SHISA6: variants seen among roughly 807,000 people sequenced by gnomAD.
SHISA6 encodes the protein protein shisa-6.
SHISA6 carries 22 observed loss-of-function variants against 47.9 expected under a neutral mutation model. The ratio of observed to expected loss-of-function variants is 0.46; its 90% confidence interval spans 0.33 to 0.66. The LOEUF is 0.66. Ranked by LOEUF, SHISA6 falls within the 30% of genes least tolerant of loss-of-function variation. The probability of loss-of-function intolerance (pLI) is 0.02; values close to 1 mark genes in which losing one functional copy is unlikely to be tolerated. For missense variants in SHISA6, 680 were observed against 764.6 expected (o/e 0.89, Z 1.30); for synonymous variants, 388 against 337.8 (o/e 1.15, Z -1.63).
At chr17:11,521,009 C>T (rs556980193) in intron 3 of SHISA6, among the ~76,000 whole-genome samples, 9 of 152,268 alleles carry the variant, frequency 5.9e-5, no homozygotes, top group South Asian at 4.2e-4. Context: ...GGACAATGGA[C>T]GCGCAATAAA....
rs1386083003 is a variant in SHISA6, at chr17:11,525,041, T to C, written c.896-26855T>C. 2.0e-5 allele frequency among the ~76,000 whole-genome samples: 3 copies of C among 152,210 alleles called. No homozygotes were observed. In the East Asian group the frequency reaches 5.8e-4, roughly 29 times the overall value. On this transcript the variant is annotated intron_variant, in intron 3 of 5. Transcript: ENST00000441885. ...TGGTTACAAGTTTGATTTTTGTTTT[T>C]GTTTGTATATCTTTTATCTTGTTTC...
Position 11,416,906 on chromosome 17 carries a change from A to G in SHISA6, c.895+37397A>G, listed in dbSNP as rs76588189. Among the ~76,000 whole-genome samples the G allele has an allele frequency of 1.0e-3, 153 of 152,268 alleles. 2 individuals carry two copies. Among genetic ancestry groups the G allele is most frequent in the Admixed American group, 9.5e-3 (146 of 15,288 alleles). ...TAAGTATTCACTATGCAAACACAAA[A>G]TCTTCATCCCAGAGAAATCAAAACT... On this transcript the variant is annotated intron_variant, in intron 3 of 5. Transcript: ENST00000441885.
chr17:11,517,637 G>C (rs1157368256), intron 3 of SHISA6, among the ~76,000 whole-genome samples: 1 of 152,068 alleles, frequency 6.6e-6, no homozygotes, highest in Non-Finnish European at 1.5e-5. Flanking sequence ...TTAGTAGCTG[G>C]ACCACAGGCA....
intron 2 of SHISA6, among the ~76,000 whole-genome samples, chr17:11,302,599 G>A (rs1909968035): frequency 6.6e-6 from 1 of 152,214 alleles, no homozygotes; most frequent in Non-Finnish European, 1.5e-5. Flanking sequence ...AAGAGAGAGA[G>A]GGAGAGAAGC....
At chr17:11,556,195 G>A (rs1019328) in intron 5 of SHISA6, among the ~76,000 whole-genome samples, 3 of 151,528 alleles carry the variant, frequency 2.0e-5, no homozygotes, top group Non-Finnish European at 4.4e-5. Context: ...AGTCCCGCAC[G>A]CAACTGCCTT....
chr17:11,311,346 A>ACT (rs1910336494), intron 2 of SHISA6, among the ~76,000 whole-genome samples: 1 of 151,734 alleles, frequency 6.6e-6, no homozygotes, highest in Admixed American at 6.6e-5. Context: ...TGGACAGGAA[A>ACT]CTAAGTATTT....
intron 3 of SHISA6, among the ~76,000 whole-genome samples, chr17:11,382,244 A>G (rs902550128): frequency 2.6e-5 from 4 of 151,074 alleles, no homozygotes; most frequent in African/African-American, 9.7e-5. Context: ...AGCTAATTTA[A>G]TTTTTTTTTA....
rs1911824028 is a variant in SHISA6 at position 11,350,169 on chromosome 17, T to TATTC, written c.800-29242_800-29241insCATT. Reference sequence around the variant, plus strand: ...GCCATGCCCGGCTAATTTATTTATTTATTTATTTATTTATTTTTTTTTTTT... The same window carrying TATTC: ...GCCATGCCCGGCTAATTTATTTATTTATTCATTTATTTATTTATTTTTTTTTTTT... On this transcript the variant is annotated intron_variant, in intron 2 of 5. Coordinates refer to ENST00000441885, the MANE Select transcript of SHISA6 (RefSeq NM_207386.4). Among the ~76,000 whole-genome samples, 3 of 113,414 alleles carry TATTC rather than the reference T, an allele frequency of 2.6e-5. No individual in the cohort carries two copies. In the South Asian group the frequency reaches 9.4e-4, roughly 36 times the overall value. 74.4% of individuals were successfully genotyped at this position (113,414 alleles called of 152,430 possible).
chr17:11,385,871 G>A (rs953684261), intron 3 of SHISA6, among the ~76,000 whole-genome samples: 5 of 152,060 alleles, frequency 3.3e-5, no homozygotes, highest in African/African-American at 1.2e-4. Flanking sequence ...AAGAAAGGGA[G>A]CAATCAGCTA....
In SHISA6 at chr17:11,242,042, G is replaced by C. The variant is rs1907383771; in HGVS notation, c.620G>C (p.Arg207Pro). ...TACGACAAGGCCCACCGCCCTCCAC[G>C]GGAGATGAACATCCACAGGTGAGAG... ...VSYDKAHRPPREMNIHRALAD... is the reference protein window; with the variant it reads ...VSYDKAHRPPPEMNIHRALAD... The change falls in exon 1 of 6, where the codon CGG becomes CCG. Residue 207 changes from arginine (R) to proline (P), a missense_variant. Arg to Pro is a moderately radical substitution (Grantham distance 103). Transcript: ENST00000441885. 20 of 1,550,700 alleles carry C rather than the reference G, an allele frequency of 1.3e-5. No individual in the cohort carries two copies. The highest frequency in any genetic ancestry group is 2.0e-5 in the Admixed American group (1 of 51,014).
chr17:11,448,106 A>T (rs1915283892), intron 3 of SHISA6, among the ~76,000 whole-genome samples: 1 of 152,192 alleles, frequency 6.6e-6, no homozygotes, highest in Non-Finnish European at 1.5e-5. Flanking sequence ...GGGAGCTGGG[A>T]GCACAAGGGA....
At chr17:11,538,085 G>A (rs1162978634) in intron 3 of SHISA6, among the ~76,000 whole-genome samples, 1 of 152,124 alleles carries the variant, frequency 6.6e-6, no homozygotes, top group Non-Finnish European at 1.5e-5. Context: ...TTTTGAGATG[G>A]AGTCTGGCTC....
At chr17:11,490,267 C>T (rs1916441726) in intron 3 of SHISA6, among the ~76,000 whole-genome samples, 1 of 152,002 alleles carries the variant, frequency 6.6e-6, no homozygotes, top group Admixed American at 6.6e-5. Flanking sequence ...GGGAGAGGAG[C>T]AGAGCAGAGT....
At chr17:11,349,344 G>A (rs1470540845) in intron 2 of SHISA6, among the ~76,000 whole-genome samples, 2 of 152,176 alleles carry the variant, frequency 1.3e-5, no homozygotes, top group African/African-American at 4.8e-5. Context: ...TCGTGACTCA[G>A]ACCTCTTAGG....
chr17:11,386,560 G>A (rs1263472042), intron 3 of SHISA6, among the ~76,000 whole-genome samples: 1 of 152,050 alleles, frequency 6.6e-6, no homozygotes, highest in Non-Finnish European at 1.5e-5. Context: ...GCTTTGTTTT[G>A]TTTTTTTAAG....
chr17:11,492,854 T>C (rs1357489221), intron 3 of SHISA6, among the ~76,000 whole-genome samples: 1 of 152,170 alleles, frequency 6.6e-6, no homozygotes, highest in Non-Finnish European at 1.5e-5. Context: ...TCATGTTGCT[T>C]GTTTACTGTC....
chr17:11,363,215 T>C (rs1165264323), intron 2 of SHISA6, among the ~76,000 whole-genome samples: 2 of 151,844 alleles, frequency 1.3e-5, no homozygotes, highest in East Asian at 1.9e-4. Context: ...TTTTTTTTTT[T>C]CCTAAGAAAA....
intron 3 of SHISA6, among the ~76,000 whole-genome samples, chr17:11,449,780 T>C (rs1915335218): frequency 1.3e-5 from 2 of 152,238 alleles, no homozygotes; most frequent in Admixed American, 1.3e-4. Context: ...AGCGTCTTTG[T>C]CTCAGCTTCT....
At chr17:11,516,539 A>G (rs1293665046) in intron 3 of SHISA6, among the ~76,000 whole-genome samples, 1 of 152,236 alleles carries the variant, frequency 6.6e-6, no homozygotes, top group Non-Finnish European at 1.5e-5. Context: ...GGGGGATCTC[A>G]GGGAGGAGGA....
Sources: allele counts gnomAD v4.1 joint callset (sites outside exome capture counted in the v4.1 genomes callset), GRCh38; gene constraint gnomAD v4.1.1; transcripts MANE v1.5; gene names NCBI Gene and HGNC (gene_info 2026-07-23, HGNC 2026-07-21).